Variants in ROS1 observed in about 807,000 individuals in gnomAD.
ROS1 encodes proto-oncogene tyrosine-protein kinase ROS.
ROS1 carries 263 observed loss-of-function variants against 273.5 expected under a neutral mutation model. The ratio of observed to expected loss-of-function variants is 0.96; its 90% confidence interval spans 0.87 to 1.06. The LOEUF is 1.06. Ranked by LOEUF, ROS1 falls within the 50% of genes least tolerant of loss-of-function variation. The pLI is 0.00. For missense variants in ROS1, 2,833 were observed against 2,751.1 expected, an observed-to-expected ratio of 1.03 and a Z score of -0.67; for synonymous variants, 1,008 against 954.1, an observed-to-expected ratio of 1.06 and a Z score of -1.04.
intron 1 of ROS1, among the ~76,000 whole-genome samples, chr6:117,422,709 T>C (rs1019740585): frequency 2.6e-5 from 4 of 152,134 alleles, no homozygotes; most frequent in Admixed American, 6.6e-5. Context: ...AAGATACAAA[T>C]CAAAAATAAA....
At chr6:117,366,925 G>A (rs1206181086) in intron 18 of ROS1, among the ~76,000 whole-genome samples, 1 of 152,174 alleles carries the variant, frequency 6.6e-6, no homozygotes, top group African/African-American at 2.4e-5. Flanking sequence ...GCACAACCTG[G>A]ATTCTCATTA....
intron 5 of ROS1, among the ~76,000 whole-genome samples, chr6:117,406,555 G>T (rs1774419802): frequency 6.6e-6 from 1 of 152,122 alleles, no homozygotes; most frequent in Non-Finnish European, 1.5e-5. Context: ...TATTCTAACA[G>T]AATTGTATAA....
At chr6:117,419,953 C>T (rs1011139074) in intron 1 of ROS1, among the ~76,000 whole-genome samples, 1 of 152,150 alleles carries the variant, frequency 6.6e-6, no homozygotes, top group African/African-American at 2.4e-5. Context: ...CTTCCCTAAT[C>T]TCCACTCATT....
intron 34 of ROS1, 65 bp downstream of exon 34, chr6:117,326,159 G>A (rs901607266): frequency 5.0e-5 from 36 of 726,592 alleles, no homozygotes; most frequent in Admixed American, 1.8e-4. Flanking sequence ...TGTTAAGAAT[G>A]TACTGATATT....
chr6:117,341,477 T>A lies in ROS1; in HGVS notation c.4807A>T (p.Arg1603Ter), dbSNP rs1291943165. The change falls in exon 30 of 44, where the codon AGA (arginine) becomes TGA (stop). Residue 1603 changes from arginine (R) to a stop codon, truncating the protein, a stop_gained. Coordinates refer to ENST00000368507, the MANE Select transcript of ROS1 (RefSeq NM_001378902.1). LOFTEE classifies it high-confidence loss of function. Reference protein sequence around the residue: ...HLALIPETPLRQSEFPNGRLT... With the variant: ...HLALIPETPL ...CTTCCATTTGGAAATTCACTTTGTC[T>A]TAGAGGAGTTTCAGGAATTAGGGCC... 1.2e-6 allele frequency: 2 copies of A among 1,613,760 alleles called. No individual in the cohort carries two copies. Among genetic ancestry groups the A allele is most frequent in the East Asian group, 4.5e-5 (2 of 44,894 alleles).
Position 117,365,150 on chromosome 6 carries a change from G to T in ROS1, c.3013C>A (p.Pro1005Thr), listed in dbSNP as rs200278757. The T allele has an allele frequency of 4.3e-5, 70 of 1,613,002 alleles. No homozygotes were observed. The highest frequency in any genetic ancestry group is 3.2e-4 in the Admixed American group (19 of 59,982). ...ACAGAAAGATTAAATAAGGCATAAG[G>T]TTCCAGTCCTTCCACAGTAAATACA... ...LPVFTVEGLE[P>T]YALFNLSVTP... Residue 1005 changes from proline to threonine, a missense_variant, in exon 21 of 44, where the codon CCT (proline) becomes ACT (threonine). Coordinates refer to ENST00000368507, the MANE Select transcript of ROS1 (RefSeq NM_001378902.1).
rs765733079 is a variant in ROS1 at position 117,352,992 on chromosome 6, G to A, written c.4301C>T (p.Pro1434Leu). ...LAYSSVMQPF[P>L]DKAFLSLASD... ...GATTACGAATGTGACTTTATTACCTGGAAAAGGCTGCATAACTGAACTGTA... is the reference window on the plus strand; with the variant it reads ...GATTACGAATGTGACTTTATTACCTAGAAAAGGCTGCATAACTGAACTGTA... The change falls in exon 27 of 44, where the codon CCA (proline) becomes CTA (leucine). Residue 1434 changes from proline to leucine, a missense_variant and splice_region_variant. Coordinates refer to ENST00000368507, the MANE Select transcript of ROS1 (RefSeq NM_001378902.1). The A allele has an allele frequency of 5.6e-6, 9 of 1,610,548 alleles. No homozygotes were observed. The South Asian group carries it at 1.0e-4, about 18-fold the overall frequency.
intron 21 of ROS1, 98 bp from the exon 22 acceptor site, chr6:117,362,963 A>G: frequency 2.9e-6 from 3 of 1,034,412 alleles, no homozygotes; most frequent in South Asian, 3.7e-5. Flanking sequence ...CAACTTAACA[A>G]TATTTCTCAT....
intron 42 of ROS1, among the ~76,000 whole-genome samples, chr6:117,307,917 G>GAGA (rs1286254237): frequency 2.6e-5 from 4 of 152,010 alleles, no homozygotes; most frequent in Non-Finnish European, 4.4e-5. Context: ...ATTACATGTT[G>GAGA]GCTTGGCATC....
chr6:117,362,895 AAAGAATAT>A, intron 21 of ROS1, 30 bp from the exon 22 acceptor site: 1 of 1,554,146 alleles, frequency 6.4e-7, no homozygotes, highest in Non-Finnish European at 8.7e-7. Context: ...GTAGAGCAGA[AAAGAATAT>A]AAGAATATAA....
chr6:117,425,842 T>C lies in ROS1; in HGVS notation c.-186A>G. On this transcript the variant is annotated 5_prime_UTR_variant, in exon 1 of 44. Transcript: ENST00000368507. Reference sequence around the variant, plus strand: ...AGCCTTTTTCATTTAGACCTTTGAATGCTTGAAAGCTTGTAACAGTTCCAT... The same window carrying C: ...AGCCTTTTTCATTTAGACCTTTGAACGCTTGAAAGCTTGTAACAGTTCCAT... 1.8e-6 allele frequency: 1 copy of C among 556,968 alleles called. No homozygotes were observed. The highest frequency in any genetic ancestry group is 3.1e-6 in the Non-Finnish European group (1 of 325,234). The allele number at this position is 556,968 out of a possible 1,614,324, so 34.5% of individuals were successfully genotyped here. A position where few individuals can be genotyped will look rare whatever the true frequency, so the allele number is the denominator to read the frequency against.
intron 32 of ROS1, among the ~76,000 whole-genome samples, chr6:117,333,055 G>C (rs1777202057): frequency 6.6e-6 from 1 of 151,276 alleles, no homozygotes; most frequent in African/African-American, 2.4e-5. Context: ...ACACATCCAG[G>C]AGCCGTTTTT....
chr6:117,409,364 G>A (rs1354193044), intron 5 of ROS1, among the ~76,000 whole-genome samples: 2 of 152,144 alleles, frequency 1.3e-5, no homozygotes, highest in African/African-American at 4.8e-5. Context: ...CATTAGTCAT[G>A]TACTGTTTAC....
At chr6:117,389,906 C>CCTG in intron 12 of ROS1, 60 bp from the exon 13 acceptor site, 1 of 1,425,630 alleles carries the variant, frequency 7.0e-7, no homozygotes, top group South Asian at 1.3e-5. Context: ...GAGTAACCTC[C>CCTG]TCAGCTAATT....
intron 43 of ROS1, among the ~76,000 whole-genome samples, chr6:117,300,273 C>A (rs1774615081): frequency 6.6e-6 from 1 of 151,504 alleles, no homozygotes; most frequent in Non-Finnish European, 1.5e-5. Flanking sequence ...AACTTAATCA[C>A]CAAATACTGA....
chr6:117,424,797 T>C (rs1273493022), intron 1 of ROS1, among the ~76,000 whole-genome samples: 1 of 152,204 alleles, frequency 6.6e-6, no homozygotes. Flanking sequence ...GCATTATGTT[T>C]AAAAGTATGG....
At chr6:117,388,032 C>T (rs2128701583) in intron 13 of ROS1, 40 bp from the exon 14 acceptor site, 11 of 1,612,584 alleles carry the variant, frequency 6.8e-6, no homozygotes, top group Non-Finnish European at 9.3e-6. Flanking sequence ...ATCAGGATGA[C>T]ATCTGCAAGG....
intron 2 of ROS1, among the ~76,000 whole-genome samples, chr6:117,418,070 A>G (rs546326775): frequency 6.6e-6 from 1 of 152,336 alleles, no homozygotes; most frequent in Admixed American, 6.5e-5. Context: ...GTGCATGCTT[A>G]TACCTTAAGT....
chr6:117,311,326 A>T (rs149651586), intron 39 of ROS1, among the ~76,000 whole-genome samples: 183 of 152,266 alleles, frequency 1.2e-3, no homozygotes, highest in African/African-American at 4.1e-3. Flanking sequence ...AAAAAATGAC[A>T]GCTATGTTTA....
Sources: allele counts gnomAD v4.1 joint callset (sites outside exome capture counted in the v4.1 genomes callset), GRCh38; gene constraint gnomAD v4.1.1; transcripts MANE v1.5; gene names NCBI Gene and HGNC (gene_info 2026-07-23, HGNC 2026-07-21).